Variants in MAMLD1 observed in about 807,000 individuals in gnomAD.
The protein encoded by MAMLD1 is mastermind like domain containing 1, also known as mastermind-like domain-containing protein 1.
MAMLD1 carries 14 observed loss-of-function variants against 45.0 expected under a neutral mutation model. The observed-to-expected ratio is 0.31, with a 90% confidence interval of 0.21 to 0.49. The LOEUF (loss-of-function observed/expected upper bound fraction) is 0.49. MAMLD1 is among the 20% of genes least tolerant of loss of function. The pLI is 0.99. For synonymous variants in MAMLD1, 254 were observed against 247.8 expected, an observed-to-expected ratio of 1.02 and a Z score of -0.24; for missense variants, 543 against 603.6, an observed-to-expected ratio of 0.90 and a Z score of 1.05.
Position 150,504,608 on chromosome X carries a change from C to T in MAMLD1, c.2284+1091C>T, listed in dbSNP as rs1265984320. The stretch of plus-strand genomic sequence containing the variant: ...GAAACAGAATTAGCAAAACGGACGT[C>T]GTCCCCTCAGGATGTCGCTGTTTCC... On this transcript the variant is annotated intron_variant, in intron 6 of 7. Coordinates refer to ENST00000370401, the MANE Select transcript of MAMLD1 (RefSeq NM_005491.5). 9.3e-6 allele frequency: 5 copies of T among 540,298 alleles called. No individual in the cohort carries two copies. In the South Asian group the frequency reaches 3.8e-4, roughly 41 times the overall value. 44.5% of individuals were successfully genotyped at this position (540,298 alleles called of 1,213,427 possible). A position where few individuals can be genotyped will look rare whatever the true frequency, so the allele number is the denominator to read the frequency against.
rs190711588 is a variant in MAMLD1 at position 150,409,187 on chromosome X, T to C, written c.-63-36267T>C. 4.2e-3 allele frequency among the ~76,000 whole-genome samples: 473 copies of C among 111,751 alleles called. 3 individuals carry two copies. Among genetic ancestry groups the C allele is most frequent in the African/African-American group, 0.015 (449 of 30,735 alleles). ...GGATTCCATTTCTCTTGGATTGTGT[T>C]GGGTTTTATGCAATGTGGTTACAGT... On this transcript the variant is annotated intron_variant, in intron 1 of 7. Transcript: ENST00000370401.
At chrX:150,475,325 T>C (rs782588531) in intron 5 of MAMLD1, among the ~76,000 whole-genome samples, 1 of 111,426 alleles carries the variant, frequency 9.0e-6, no homozygotes, top group South Asian at 3.8e-4. Context: ...CACCTCAGCC[T>C]CCCAAAGCAC....
At chrX:150,486,504 G>A (rs1310020937) in intron 5 of MAMLD1, among the ~76,000 whole-genome samples, 3 of 111,885 alleles carry the variant, frequency 2.7e-5, no homozygotes, top group Non-Finnish European at 5.6e-5. Context: ...AATGAAAATG[G>A]GGAAAGGTGT....
chrX:150,487,609 C>T (rs2037036830), intron 5 of MAMLD1, among the ~76,000 whole-genome samples: 1 of 111,735 alleles, frequency 8.9e-6, no homozygotes, highest in Non-Finnish European at 1.9e-5. Context: ...GAAGCTGTGA[C>T]ATAGATCAAG....
intron 6 of MAMLD1, chrX:150,503,971 C>G: frequency 1.0e-5 from 7 of 667,772 alleles, no homozygotes; most frequent in Non-Finnish European, 1.2e-5. Context: ...AGTGGGTGCT[C>G]GGGAACTGCC....
chrX:150,428,265 G>A (rs1557403898), intron 1 of MAMLD1, among the ~76,000 whole-genome samples: 2 of 111,810 alleles, frequency 1.8e-5, no homozygotes, highest in South Asian at 7.4e-4. Context: ...CACTTCCTGG[G>A]TCCACAAGTA....
intron 3 of MAMLD1, among the ~76,000 whole-genome samples, chrX:150,468,335 C>T (rs1024663726): frequency 9.0e-6 from 1 of 111,379 alleles, no homozygotes; most frequent in Non-Finnish European, 1.9e-5. Flanking sequence ...GCTACAAGCT[C>T]ATCAAACCAG....
chrX:150,396,483 G>GT (rs1205369796), intron 1 of MAMLD1, among the ~76,000 whole-genome samples: 3 of 110,982 alleles, frequency 2.7e-5, no homozygotes, highest in Non-Finnish European at 5.7e-5. Context: ...GAGTTTTGGC[G>GT]TTTTCCCATT....
chrX:150,402,165 C>T (rs2033799827), intron 1 of MAMLD1, among the ~76,000 whole-genome samples: 1 of 111,009 alleles, frequency 9.0e-6, no homozygotes, highest in Non-Finnish European at 1.9e-5. Flanking sequence ...GTTTCACAAC[C>T]TACTCATCTG....
intron 1 of MAMLD1, among the ~76,000 whole-genome samples, chrX:150,417,803 G>A (rs1312750626): frequency 2.7e-5 from 3 of 109,801 alleles, no homozygotes; most frequent in Non-Finnish European, 3.8e-5. Context: ...CTGCATAAAT[G>A]TCTTCTTTTG....
In MAMLD1 at chrX:150,449,326, A is replaced by G. The variant is rs149453655; in HGVS notation, c.96+3714A>G. ...CAACCCCTCAGCCCATATCTTTCTCACCTCTAAATGCAAGTAGGGCTGAAG... is the reference window on the plus strand; with the variant it reads ...CAACCCCTCAGCCCATATCTTTCTCGCCTCTAAATGCAAGTAGGGCTGAAG... On this transcript the variant is annotated intron_variant, in intron 2 of 7. Transcript: ENST00000370401. 3.9e-3 allele frequency among the ~76,000 whole-genome samples: 436 copies of G among 111,214 alleles called. 3 individuals are homozygous for G. The highest frequency in any genetic ancestry group is 0.014 in the African/African-American group (419 of 30,583).
At chrX:150,365,150 A>T (rs1390529615) in intron 1 of MAMLD1, among the ~76,000 whole-genome samples, 1 of 110,097 alleles carries the variant, frequency 9.1e-6, no homozygotes, top group African/African-American at 3.3e-5. Flanking sequence ...GCTTTATAAA[A>T]AGCCCCTTTG....
At chrX:150,364,155 G>A (rs998554296) in intron 1 of MAMLD1, among the ~76,000 whole-genome samples, 2 of 112,968 alleles carry the variant, frequency 1.8e-5, no homozygotes, top group Non-Finnish European at 3.8e-5. Context: ...GAGCAGCCCC[G>A]GCGCCCCTGC....
intron 1 of MAMLD1, among the ~76,000 whole-genome samples, chrX:150,364,520 C>A (rs1217323509): frequency 8.9e-6 from 1 of 112,499 alleles, no homozygotes; most frequent in African/African-American, 3.2e-5. Context: ...CCTGGGCACC[C>A]GGAGTGTGGG....
intron 1 of MAMLD1, among the ~76,000 whole-genome samples, chrX:150,366,387 C>A (rs782177794): frequency 8.9e-6 from 1 of 112,222 alleles, no homozygotes; most frequent in Admixed American, 9.4e-5. Context: ...ATCCCAACTG[C>A]ATCTAAAACC....
chrX:150,381,668 G>A (rs2032613111), intron 1 of MAMLD1, among the ~76,000 whole-genome samples: 1 of 111,965 alleles, frequency 8.9e-6, no homozygotes, highest in Non-Finnish European at 1.9e-5. Context: ...TTTTCCCTCA[G>A]CATAATTCTG....
chrX:150,508,045 G>C (rs1053264903), intron 6 of MAMLD1, among the ~76,000 whole-genome samples: 4 of 112,594 alleles, frequency 3.6e-5, no homozygotes, highest in African/African-American at 9.7e-5. Flanking sequence ...GTACTTCTTA[G>C]CCGTGTCACC....
At chrX:150,423,348 CTGTGTGTG>C (rs1246327427) in intron 1 of MAMLD1, among the ~76,000 whole-genome samples, 5 of 7,827 alleles carry the variant, frequency 6.4e-4, no homozygotes, top group Admixed American at 7.9e-3. Flanking sequence ...ACATTATACT[CTGTGTGTG>C]TGTGTGTGTG....
intron 6 of MAMLD1, chrX:150,509,703 C>T (rs2037843856): frequency 2.6e-6 from 1 of 382,565 alleles, no homozygotes; most frequent in South Asian, 4.2e-5. Flanking sequence ...TCTGTGTGCT[C>T]TTGCTATTAA....
Sources: allele counts gnomAD v4.1 joint callset (sites outside exome capture counted in the v4.1 genomes callset), GRCh38; gene constraint gnomAD v4.1.1; transcripts MANE v1.5; gene names NCBI Gene and HGNC (gene_info 2026-07-23, HGNC 2026-07-21).